The following FBXO28 variants were observed in gnomAD, a reference collection of about 807,000 sequenced individuals.
FBXO28 encodes F-box only protein 28.
FBXO28 carries 8 observed loss-of-function variants against 38.1 expected under a neutral mutation model. The ratio of observed to expected loss-of-function variants is 0.21; its 90% CI spans 0.12 to 0.38. FBXO28 has a LOEUF of 0.38. FBXO28 is among the 10% of genes least tolerant of loss of function. The probability of loss-of-function intolerance (pLI) is 1.00; values close to 1 mark genes in which losing one functional copy is unlikely to be tolerated. For missense variants in FBXO28, 345 were observed against 460.6 expected, an observed-to-expected ratio of 0.75 and a Z score of 2.30; for synonymous variants, 168 against 173.8, an observed-to-expected ratio of 0.97 and a Z score of 0.26.
At chr1:224,129,606 T>C (rs1656988624) in intron 1 of FBXO28, among the ~76,000 whole-genome samples, 1 of 152,222 alleles carries the variant, frequency 6.6e-6, no homozygotes, top group Non-Finnish European at 1.5e-5. Flanking sequence ...ATAATGGGAA[T>C]ACATTCAGAA....
Position 224,114,420 on chromosome 1 carries a change from C to A in FBXO28, c.267+24C>A, listed in dbSNP as rs115480297. 1.8e-3 allele frequency: 2,714 copies of A among 1,512,992 alleles called. 44 individuals carry two copies. In the African/African-American group the frequency reaches 0.034, roughly 19 times the overall value. The allele number at this position is 1,512,992 out of a possible 1,614,324, so 93.7% of individuals were successfully genotyped here. A position where few individuals can be genotyped will look rare whatever the true frequency, so the allele number is the denominator to read the frequency against. On this transcript the variant is annotated intron_variant, in intron 1 of 4. Coordinates refer to ENST00000366862, the MANE Select transcript of FBXO28 (RefSeq NM_015176.4). ...TGGTGAGGCCCCCGCAGAACTCCTG[C>A]CTCCCTCTCCCCCCGGCCGAGGTCT...
chr1:224,132,953 C>T (rs764823174), intron 2 of FBXO28, among the ~76,000 whole-genome samples: 5 of 152,106 alleles, frequency 3.3e-5, no homozygotes, highest in Non-Finnish European at 7.4e-5. Context: ...ACGTTTTTAG[C>T]AGCATTATTC....
intron 4 of FBXO28, among the ~76,000 whole-genome samples, chr1:224,154,977 C>CAA (rs34053203): frequency 1.6e-5 from 2 of 124,260 alleles, no homozygotes; most frequent in African/African-American, 6.4e-5. Flanking sequence ...GACTCCGTCT[C>CAA]AAAAAAAAAA....
chr1:224,147,433 A>AG (rs1157473696), intron 3 of FBXO28, among the ~76,000 whole-genome samples: 10 of 151,562 alleles, frequency 6.6e-5, no homozygotes, highest in East Asian at 1.9e-4. Context: ...AAAAAAAAAA[A>AG]AGAGAAGAAA....
At chr1:224,114,880 G>C (rs1656610593) in intron 1 of FBXO28, among the ~76,000 whole-genome samples, 1 of 152,192 alleles carries the variant, frequency 6.6e-6, no homozygotes, top group Non-Finnish European at 1.5e-5. Context: ...AAGTTTTCTT[G>C]TTCGAGAAGA....
chr1:224,114,454 AGAAG>A, intron 1 of FBXO28, 58 bp downstream of exon 1: 4 of 1,401,594 alleles, frequency 2.9e-6, no homozygotes, highest in African/African-American at 1.5e-5. Context: ...CTGGGAGATG[AGAAG>A]GGAGCGCGTT....
At chr1:224,129,862 C>A (rs1050839695) in intron 1 of FBXO28, among the ~76,000 whole-genome samples, 15 of 152,072 alleles carry the variant, frequency 9.9e-5, no homozygotes, top group Non-Finnish European at 1.8e-4. Flanking sequence ...TGGTGGCGGG[C>A]ACCTGTAGTG....
chr1:224,122,591 CT>C (rs796184071), intron 1 of FBXO28, among the ~76,000 whole-genome samples: 422 of 145,264 alleles, frequency 2.9e-3, no homozygotes, highest in African/African-American at 6.2e-3. Context: ...ATGCCATTGA[CT>C]TTTTTTTTTT....
intron 3 of FBXO28, 151 bp from the exon 4 acceptor site, chr1:224,152,991 G>A (rs1171512190): frequency 4.3e-6 from 2 of 466,238 alleles, no homozygotes; most frequent in Non-Finnish European, 3.7e-6. Flanking sequence ...GTTGTAAATA[G>A]CAATATTCAT....
intron 1 of FBXO28, among the ~76,000 whole-genome samples, chr1:224,129,494 G>A (rs922186152): frequency 6.6e-6 from 1 of 152,066 alleles, no homozygotes; most frequent in African/African-American, 2.4e-5. Flanking sequence ...GACTCAAATG[G>A]ATACATTTCT....
At chr1:224,152,994 A>G in intron 3 of FBXO28, 148 bp from the exon 4 acceptor site, 1 of 533,878 alleles carries the variant, frequency 1.9e-6, no homozygotes, top group Non-Finnish European at 3.2e-6. Context: ...GTAAATAGCA[A>G]TATTCATCAG....
At chr1:224,136,577 A>C (rs1329852716) in intron 3 of FBXO28, among the ~76,000 whole-genome samples, 3 of 148,454 alleles carry the variant, frequency 2.0e-5, no homozygotes, top group Non-Finnish European at 2.9e-5. Flanking sequence ...CAAAAAAAAA[A>C]ACTAGCTGGG....
chr1:224,116,385 G>A (rs1656643950), intron 1 of FBXO28, among the ~76,000 whole-genome samples: 1 of 152,122 alleles, frequency 6.6e-6, no homozygotes, highest in Non-Finnish European at 1.5e-5. Context: ...ACCTAGGTGA[G>A]CTGTACATGC....
rs146135383 is a variant in FBXO28 at position 224,141,326 on chromosome 1, C to T, written c.516+7114C>T. On this transcript the variant is annotated intron_variant, in intron 3 of 4. Coordinates refer to ENST00000366862, the MANE Select transcript of FBXO28 (RefSeq NM_015176.4). Reference sequence around the variant, plus strand: ...CTCTAATTAAAATACAAAAAATTAGCCAGGCATGGTGGCGGGTGCCTGTAG... The same window carrying T: ...CTCTAATTAAAATACAAAAAATTAGTCAGGCATGGTGGCGGGTGCCTGTAG... Among the ~76,000 whole-genome samples the T allele has an allele frequency of 1.1e-3, 171 of 151,966 alleles. 1 individual carries two copies. The highest frequency in any genetic ancestry group is 7.6e-3 in the Admixed American group (116 of 15,238).
chr1:224,133,989 C>T (rs1350456938), intron 2 of FBXO28, 85 bp from the exon 3 acceptor site: 1 of 954,608 alleles, frequency 1.0e-6, no homozygotes, highest in Non-Finnish European at 1.4e-6. Flanking sequence ...AAGACTGTTT[C>T]ATTAAGCCAT....
rs57108038 is a variant in FBXO28, at chr1:224,139,764, G to GCATA, written c.516+5588_516+5591dup. Among the ~76,000 whole-genome samples the GCATA allele has an allele frequency of 2.4e-3, 357 of 146,040 alleles. 1 individual carries two copies. The highest frequency in any genetic ancestry group is 8.3e-3 in the African/African-American group (321 of 38,752). ...GAAATAAATACATACATGCATGCATGCATACATACATACATACATACATAC... is the reference window on the plus strand; with the variant it reads ...GAAATAAATACATACATGCATGCATGCATACATACATACATACATACATACATAC... On this transcript the variant is annotated intron_variant, in intron 3 of 4. Coordinates refer to ENST00000366862, the MANE Select transcript of FBXO28 (RefSeq NM_015176.4).
intron 1 of FBXO28, among the ~76,000 whole-genome samples, chr1:224,129,057 T>G (rs1446942511): frequency 6.6e-6 from 1 of 152,118 alleles, no homozygotes; most frequent in Non-Finnish European, 1.5e-5. Context: ...TAAGATATTT[T>G]GGGCCGAGTG....
At chr1:224,138,863 C>G (rs1419063308) in intron 3 of FBXO28, among the ~76,000 whole-genome samples, 1 of 151,748 alleles carries the variant, frequency 6.6e-6, no homozygotes, top group East Asian at 1.9e-4. Context: ...CTTACTGCAA[C>G]CTCCGCCTCC....
At chr1:224,144,376 G>A (rs13374070) in intron 3 of FBXO28, among the ~76,000 whole-genome samples, 62,669 of 151,704 alleles carry the variant, frequency 0.41, 13,140 homozygotes, top group East Asian at 0.57. Context: ...TGAGAGGATC[G>A]CTTTAGCCCA....
Sources: allele counts gnomAD v4.1 joint callset (sites outside exome capture counted in the v4.1 genomes callset), GRCh38; gene constraint gnomAD v4.1.1; transcripts MANE v1.5; gene names NCBI Gene and HGNC (gene_info 2026-07-23, HGNC 2026-07-21).